Variants in ARL6 observed in about 807,000 individuals in gnomAD.
ARL6 encodes the protein ARF like GTPase 6, also known as ADP-ribosylation factor-like protein 6.
Under a neutral mutation model 27.1 loss-of-function variants are expected in ARL6, and 18 were observed. That is an observed-to-expected ratio of 0.66 (90% CI 0.46 to 0.98). ARL6 has a LOEUF of 0.98. ARL6 is among the 50% of genes least tolerant of loss of function. ARL6 has a pLI of 0.00. For missense variants in ARL6, 187 were observed against 214.9 expected (o/e 0.87, Z 0.81); for synonymous variants, 65 against 72.3 (o/e 0.90, Z 0.51).
intron 5 of ARL6, 27 bp from the exon 6 acceptor site, chr3:97,787,963 T>G: frequency 6.2e-7 from 1 of 1,612,396 alleles, no homozygotes; most frequent in Non-Finnish European, 8.5e-7. Flanking sequence ...GCTGGAAGTG[T>G]GATGATAATC....
intron 7 of ARL6, among the ~76,000 whole-genome samples, chr3:97,794,075 A>C (rs1267658749): frequency 6.6e-6 from 1 of 152,092 alleles, no homozygotes; most frequent in Admixed American, 6.5e-5. Context: ...TTACCCTTTT[A>C]CCTAAACACT....
At chr3:97,765,209 GGGGTGTGTGTGTGTGTGTGTGT>G (rs1325507821) in intron 1 of ARL6, among the ~76,000 whole-genome samples, 65 of 128,134 alleles carry the variant, frequency 5.1e-4, no homozygotes, top group Middle Eastern at 3.8e-3. Flanking sequence ...CCGTGTATTG[GGGGTGTGTGTGTGTGTGTGTGT>G]GTGTGTGTGT....
Position 97,780,822 on chromosome 3 carries a change from T to C in ARL6, c.254+139T>C, listed in dbSNP as rs549530287. The C allele has an allele frequency of 8.6e-6, 6 of 696,640 alleles. No homozygotes were observed. In the East Asian group the frequency reaches 1.1e-4, roughly 13 times the overall value. The allele number at this position is 696,640 out of a possible 1,614,324, so 43.2% of individuals were successfully genotyped here. On this transcript the variant is annotated intron_variant, in intron 4 of 7. Transcript: ENST00000463745. ...TGAACATTTCCTATTTTAAAAAATATGTAATGAGACTCAACATTGTTTGTC... is the reference window on the plus strand; with the variant it reads ...TGAACATTTCCTATTTTAAAAAATACGTAATGAGACTCAACATTGTTTGTC...
chr3:97,774,272 T>C (rs2036782129), intron 2 of ARL6, among the ~76,000 whole-genome samples: 1 of 152,218 alleles, frequency 6.6e-6, no homozygotes, highest in Non-Finnish European at 1.5e-5. Flanking sequence ...ACTCTCAACC[T>C]TACCTCTGGG....
intron 6 of ARL6, 117 bp from the exon 7 acceptor site, chr3:97,791,654 G>T (rs2037741756): frequency 2.5e-6 from 2 of 804,826 alleles, no homozygotes; most frequent in African/African-American, 3.5e-5. Flanking sequence ...AACCAGTTTT[G>T]CTCAGATATA....
At chr3:97,778,449 T>C (rs1341940851) in intron 2 of ARL6, among the ~76,000 whole-genome samples, 1 of 152,158 alleles carries the variant, frequency 6.6e-6, no homozygotes, top group African/African-American at 2.4e-5. Flanking sequence ...AATTTTGAGC[T>C]TCTGTCTTTC....
intron 7 of ARL6, among the ~76,000 whole-genome samples, chr3:97,794,949 G>A (rs186849181): frequency 5.9e-5 from 9 of 152,194 alleles, no homozygotes; most frequent in South Asian, 2.1e-4. Flanking sequence ...TTAGCCAGGC[G>A]TGGTGGTGCA....
At chr3:97,784,904 GA>G in intron 4 of ARL6, 50 bp from the exon 5 acceptor site, 5 of 1,383,490 alleles carry the variant, frequency 3.6e-6, no homozygotes, top group Non-Finnish European at 5.1e-6. Context: ...AATAAACATG[GA>G]AAAATTTATA....
chr3:97,788,526 T>G (rs1022852208), intron 6 of ARL6, among the ~76,000 whole-genome samples: 1 of 148,146 alleles, frequency 6.8e-6, no homozygotes, highest in Admixed American at 6.7e-5. Context: ...ATGTGACTGC[T>G]TTTTTTTTTG....
chr3:97,767,577 A>G (rs903636388), intron 1 of ARL6, among the ~76,000 whole-genome samples: 71 of 152,202 alleles, frequency 4.7e-4, no homozygotes, highest in African/African-American at 1.6e-3. Context: ...TACAAAATAT[A>G]ACAATGGGGC....
chr3:97,800,357 T>C lies in ARL6; in HGVS notation c.*2308T>C, dbSNP rs1646239589. 1 of 152,190 alleles carries C rather than the reference T, an allele frequency of 6.6e-6. No homozygotes were observed. The highest frequency in any genetic ancestry group is 2.4e-5 in the African/African-American group (1 of 41,460). 9.4% of individuals were successfully genotyped at this position (152,190 alleles called of 1,614,324 possible). ...GCATATTATACAATTAAAATGTATT[T>C]TATTAAACCTGAAGCAAGTTTTCTT... On this transcript the variant is annotated 3_prime_UTR_variant, in exon 8 of 8. Coordinates refer to ENST00000463745, the MANE Select transcript of ARL6 (RefSeq NM_001278293.3).
intron 1 of ARL6, among the ~76,000 whole-genome samples, chr3:97,766,874 T>G (rs1174515910): frequency 6.6e-6 from 1 of 152,178 alleles, no homozygotes; most frequent in South Asian, 2.1e-4. Context: ...TAGCAGTTCC[T>G]GCAGCAGTTG....
chr3:97,780,188 A>C lies in ARL6; in HGVS notation c.153A>C (p.Ile51=), dbSNP rs770485234. 32 of 1,613,226 alleles carry C rather than the reference A, an allele frequency of 2.0e-5. No homozygotes were observed. In the South Asian group the frequency reaches 3.4e-4, roughly 17 times the overall value. The change falls in exon 3 of 8, where the codon ATA becomes ATC. Residue 51 remains isoleucine, a synonymous_variant. Transcript: ENST00000463745. ...NAQSQNILPT[I]GFSIEKFKSS... is the part of the protein sequence containing the mutation. Reference sequence around the variant, plus strand: ...AATCTCAAAATATCCTTCCAACAATAGGATTCAGCATAGAGAAATTCAAAT... The same window carrying C: ...AATCTCAAAATATCCTTCCAACAATCGGATTCAGCATAGAGAAATTCAAAT...
rs528397213 is a variant in ARL6 at position 97,792,581 on chromosome 3, T to C, written c.535+755T>C. Among the ~76,000 whole-genome samples, 5 of 152,362 alleles carry C rather than the reference T, an allele frequency of 3.3e-5. No individual in the cohort carries two copies. In the Middle Eastern group the frequency reaches 0.01, roughly 311 times the overall value. On this transcript the variant is annotated intron_variant, in intron 7 of 7. Transcript: ENST00000463745. ...TAATATTCATATTTAGTATTAGAGA[T>C]ACTGATCTTTTATTGATATTTTGTA...
At chr3:97,785,432 C>T (rs1159455775) in intron 5 of ARL6, among the ~76,000 whole-genome samples, 1 of 122,514 alleles carries the variant, frequency 8.2e-6, no homozygotes. Flanking sequence ...ATGCATTTCT[C>T]TATGTGTATC....
chr3:97,782,013 G>C (rs1484093668), intron 4 of ARL6, among the ~76,000 whole-genome samples: 2 of 151,772 alleles, frequency 1.3e-5, no homozygotes, highest in Non-Finnish European at 2.9e-5. Flanking sequence ...ATAAATTGAA[G>C]GCCTATTTAA....
chr3:97,786,478 A>G (rs931872228), intron 5 of ARL6, among the ~76,000 whole-genome samples: 2 of 152,208 alleles, frequency 1.3e-5, no homozygotes, highest in African/African-American at 2.4e-5. Context: ...TTCCTATAAA[A>G]TATACTTCAA....
chr3:97,785,360 AAAAAT>A (rs1486153723), intron 5 of ARL6, among the ~76,000 whole-genome samples: 5 of 150,406 alleles, frequency 3.3e-5, no homozygotes, highest in African/African-American at 7.3e-5. Context: ...AATCAGATGG[AAAAAT>A]AAAATAAAGA....
At chr3:97,773,123 T>C (rs1196420357) in intron 2 of ARL6, among the ~76,000 whole-genome samples, 4 of 152,088 alleles carry the variant, frequency 2.6e-5, no homozygotes, top group African/African-American at 9.7e-5. Flanking sequence ...GTCACAAGGC[T>C]CCACAATAGT....
Sources: allele counts gnomAD v4.1 joint callset (sites outside exome capture counted in the v4.1 genomes callset), GRCh38; gene constraint gnomAD v4.1.1; transcripts MANE v1.5; gene names NCBI Gene and HGNC (gene_info 2026-07-23, HGNC 2026-07-21).